Variants in ZNF215 observed in about 807,000 individuals in gnomAD.
ZNF215 encodes zinc finger protein 215, also known as BWSCR2-associated zinc finger protein 2.
In ZNF215, 24 loss-of-function variants were observed where a neutral mutation model predicts 27.2. The observed-to-expected ratio is 0.88, with a 90% confidence interval of 0.64 to 1.24. ZNF215 has a LOEUF of 1.24. Among genes scored for constraint, ZNF215 ranks in the 50% most tolerant of loss-of-function variants. The pLI, the probability that ZNF215 is intolerant of heterozygous loss-of-function variation, is 0.00. For missense variants in ZNF215, 675 were observed against 605.7 expected, an observed-to-expected ratio of 1.11 and a Z score of -1.20; for synonymous variants, 210 against 204.0, an observed-to-expected ratio of 1.03 and a Z score of -0.25.
At chr11:6,935,816 G>A (rs1380316100) in intron 3 of ZNF215, among the ~76,000 whole-genome samples, 5 of 152,036 alleles carry the variant, frequency 3.3e-5, no homozygotes. Flanking sequence ...TAAAAAACAT[G>A]TTTCAGTACA....
intron 5 of ZNF215, among the ~76,000 whole-genome samples, chr11:6,971,751 T>C (rs1850723331): frequency 6.6e-6 from 1 of 152,086 alleles, no homozygotes; most frequent in Non-Finnish European, 1.5e-5. Context: ...TCACACATTC[T>C]GATTCAGCCT....
At position 6,947,889 on chromosome 11, in the gene ZNF215, A is replaced by T. The variant is rs1849879461; in HGVS notation, c.712+4248A>T. Reference sequence around the variant, plus strand: ...TGGTAGTTAATGCTGGCTGATTCTCAGAACTTAACTGTTCTTATGGGCCAG... The same window carrying T: ...TGGTAGTTAATGCTGGCTGATTCTCTGAACTTAACTGTTCTTATGGGCCAG... On this transcript the variant is annotated intron_variant, in intron 6 of 6. Coordinates refer to ENST00000278319, the MANE Select transcript of ZNF215 (RefSeq NM_013250.4). Among the ~76,000 whole-genome samples, 6 of 152,240 alleles carry T rather than the reference A, an allele frequency of 3.9e-5. 1 individual carries two copies. The South Asian group carries it at 1.2e-3, about 32-fold the overall frequency.
chr11:6,932,609 C>G lies in ZNF215; in HGVS notation c.337C>G (p.Pro113Ala), dbSNP rs1342553982. The G allele has an allele frequency of 1.2e-6, 2 of 1,613,870 alleles. No individual in the cohort carries two copies. Among genetic ancestry groups the G allele is most frequent in the South Asian group, 1.1e-5 (1 of 91,074 alleles). The change falls in exon 3 of 7, where the codon CCA (proline) becomes GCA (alanine). Residue 113 changes from proline (P) to alanine (A), a missense_variant. Transcript: ENST00000278319. ...EVRTWVNLQHPNNSKDMVTLI... is the reference protein window; with the variant it reads ...EVRTWVNLQHANNSKDMVTLI... ...CAGGACTTGGGTGAATTTACAACATCCAAACAACAGTAAAGATATGGTGAC... is the reference window on the plus strand; with the variant it reads ...CAGGACTTGGGTGAATTTACAACATGCAAACAACAGTAAAGATATGGTGAC...
chr11:6,932,569 C>T lies in ZNF215; in HGVS notation c.297C>T (p.Ile99=). 2 of 1,614,078 alleles carry T rather than the reference C, an allele frequency of 1.2e-6. No individual in the cohort carries two copies. Among genetic ancestry groups the T allele is most frequent in the Non-Finnish European group, 1.7e-6 (2 of 1,180,034 alleles). ...ELLVLEQFLA[I]LPEEVRTWVN... ...TGGTGCTGGAACAATTCCTGGCAATCCTGCCTGAAGAAGTCAGGACTTGGG... is the reference window on the plus strand; with the variant it reads ...TGGTGCTGGAACAATTCCTGGCAATTCTGCCTGAAGAAGTCAGGACTTGGG... Residue 99 remains isoleucine, a synonymous_variant, in exon 3 of 7, where the codon ATC becomes ATT. Transcript: ENST00000278319.
chr11:6,954,622 C>G (rs1211205895), intron 6 of ZNF215, among the ~76,000 whole-genome samples: 1 of 152,212 alleles, frequency 6.6e-6, no homozygotes, highest in Non-Finnish European at 1.5e-5. Context: ...ACCCGATTTT[C>G]CAGGTGCCAT....
chr11:6,974,337 C>T (rs1850785999), intron 5 of ZNF215, among the ~76,000 whole-genome samples: 2 of 152,162 alleles, frequency 1.3e-5, no homozygotes, highest in South Asian at 2.1e-4. Context: ...GTGATGCCTC[C>T]AGCTTTGTTC....
chr11:6,978,031 G>A (rs1423578012), intron 5 of ZNF215, among the ~76,000 whole-genome samples: 1 of 152,026 alleles, frequency 6.6e-6, no homozygotes, highest in Non-Finnish European at 1.5e-5. Context: ...AATCCCATCA[G>A]TGTAATGCCT....
downstream of ZNF215, among the ~76,000 whole-genome samples, chr11:6,986,493 C>G (rs989318042): frequency 7.2e-6 from 1 of 139,220 alleles, no homozygotes; most frequent in African/African-American, 2.5e-5. Flanking sequence ...GCTAAGTCCT[C>G]TTGCAACAAA....
At chr11:6,958,339 CTCTT>C (rs1850445240), downstream of ZNF215, among the ~76,000 whole-genome samples, 1 of 152,152 alleles carries the variant, frequency 6.6e-6, no homozygotes, top group East Asian at 1.9e-4. Flanking sequence ...ACTATTTTCA[CTCTT>C]TATCTTTTCT....
In ZNF215 at chr11:6,973,497, G is replaced by C. The variant is rs149328937; in HGVS notation, c.806-10632G>C. ...ACTGTCTTCCACAATGGTTGAACTA[G>C]TTTACAGTCCCACCACCAGTGTAAA... On this transcript the variant is annotated intron_variant, in intron 5 of 5. Transcript: ENST00000529903. Among the ~76,000 whole-genome samples, 374 of 152,268 alleles carry C rather than the reference G, an allele frequency of 2.5e-3. 2 individuals carry two copies. Among genetic ancestry groups the C allele is most frequent in the African/African-American group, 7.8e-3 (326 of 41,550 alleles).
intron 3 of ZNF215, among the ~76,000 whole-genome samples, chr11:6,933,584 G>A (rs1379082178): frequency 1.3e-5 from 2 of 151,854 alleles, no homozygotes; most frequent in Admixed American, 1.3e-4. Flanking sequence ...TCAGGAGATC[G>A]AGACCATCCT....
chr11:6,939,579 G>C (rs748598606), intron 3 of ZNF215, among the ~76,000 whole-genome samples: 1 of 152,256 alleles, frequency 6.6e-6, no homozygotes, highest in African/African-American at 2.4e-5. Context: ...GTAGTGCTTA[G>C]AGGATAGAAA....
chr11:6,990,911 A>C (rs1851109428), downstream of ZNF215, among the ~76,000 whole-genome samples: 1 of 152,262 alleles, frequency 6.6e-6, no homozygotes, highest in Non-Finnish European at 1.5e-5. Context: ...AGGAAAAATG[A>C]GAATCAAGCA....
chr11:6,934,647 G>C (rs965889311), intron 3 of ZNF215, among the ~76,000 whole-genome samples: 11 of 152,076 alleles, frequency 7.2e-5, no homozygotes, highest in Non-Finnish European at 1.3e-4. Flanking sequence ...GCTCACTCAT[G>C]GTGCTTCTCA....
Position 6,932,582 on chromosome 11 carries a change from G to C in ZNF215, c.310G>C (p.Val104Leu). 1.2e-6 allele frequency: 2 copies of C among 1,614,206 alleles called. No individual in the cohort carries two copies. Among genetic ancestry groups the C allele is most frequent in the Admixed American group, 3.3e-5 (2 of 60,028 alleles). Residue 104 changes from valine (V) to leucine (L), a missense_variant, in exon 3 of 7, where the codon GTC becomes CTC. By Grantham distance (32) the Val-to-Leu change is conservative. Transcript: ENST00000278319. ...EQFLAILPEE[V>L]RTWVNLQHPN... Reference sequence around the variant, plus strand: ...ATTCCTGGCAATCCTGCCTGAAGAAGTCAGGACTTGGGTGAATTTACAACA... The same window carrying C: ...ATTCCTGGCAATCCTGCCTGAAGAACTCAGGACTTGGGTGAATTTACAACA...
At chr11:6,954,145 C>A (rs570557656) in intron 6 of ZNF215, among the ~76,000 whole-genome samples, 2 of 152,164 alleles carry the variant, frequency 1.3e-5, no homozygotes, top group South Asian at 2.1e-4. Context: ...TCTGCCCCTA[C>A]TGGGGAGTGC....
intron 3 of ZNF215, among the ~76,000 whole-genome samples, chr11:6,934,525 T>C (rs1849370675): frequency 6.6e-6 from 1 of 152,180 alleles, no homozygotes; most frequent in Non-Finnish European, 1.5e-5. Context: ...TGGTACCGTT[T>C]TCTTTCTGGG....
At chr11:6,953,016 A>C (rs1355468874) in intron 6 of ZNF215, among the ~76,000 whole-genome samples, 1 of 152,134 alleles carries the variant, frequency 6.6e-6, no homozygotes, top group Non-Finnish European at 1.5e-5. Flanking sequence ...CTGGATATGA[A>C]ATTCTGGTTT....
intron 6 of ZNF215, among the ~76,000 whole-genome samples, chr11:6,954,093 A>C (rs1247111505): frequency 6.6e-6 from 1 of 151,976 alleles, no homozygotes; most frequent in Non-Finnish European, 1.5e-5. Context: ...GTTTCTCTGG[A>C]AGTTTTGTCT....
Sources: allele counts gnomAD v4.1 joint callset (sites outside exome capture counted in the v4.1 genomes callset), GRCh38; gene constraint gnomAD v4.1.1; transcripts MANE v1.5; gene names NCBI Gene and HGNC (gene_info 2026-07-23, HGNC 2026-07-21).